The following CSMD3 variants were observed in gnomAD, a reference collection of about 807,000 sequenced individuals.
The protein encoded by CSMD3 is CUB and Sushi multiple domains 3, also known as CUB and sushi domain-containing protein 3.
CSMD3 carries 177 observed loss-of-function variants against 435.2 expected under a neutral mutation model. That is an observed-to-expected ratio of 0.41 (90% CI 0.36 to 0.46). CSMD3 has a LOEUF of 0.46. Among genes scored for constraint, CSMD3 ranks in the 20% least tolerant of loss-of-function variants. CSMD3 has a pLI of 0.34. For synonymous variants in CSMD3, 1,656 were observed against 1,520.5 expected, an observed-to-expected ratio of 1.09 and a Z score of -2.07; for missense variants, 4,265 against 4,504.6, an observed-to-expected ratio of 0.95 and a Z score of 1.52.
intron 1 of CSMD3, 33 bp from the exon 2 acceptor site, chr8:113,314,826 T>G (rs1213253716): frequency 1.5e-6 from 2 of 1,312,500 alleles, no homozygotes; most frequent in Non-Finnish European, 2.2e-6. Flanking sequence ...GACATTAATA[T>G]TATATAAATC....
intron 32 of CSMD3, among the ~76,000 whole-genome samples, chr8:112,415,889 T>A (rs534467044): frequency 6.6e-6 from 1 of 152,338 alleles, no homozygotes; most frequent in East Asian, 1.9e-4. Context: ...GGAACTGGTG[T>A]ATTTGCCAAA....
At chr8:113,013,219 T>A (rs1187544843) in intron 6 of CSMD3, among the ~76,000 whole-genome samples, 1 of 152,066 alleles carries the variant, frequency 6.6e-6, no homozygotes, top group East Asian at 1.9e-4. Context: ...CAAGAAAAAG[T>A]GTTTTTCCCT....
rs888082781 is a variant in CSMD3 at position 112,328,781 on chromosome 8, C to T, written c.7165+6548G>A. Among the ~76,000 whole-genome samples the T allele has an allele frequency of 2.6e-5, 4 of 152,140 alleles. No homozygotes were observed. The East Asian group carries it at 5.8e-4, about 22-fold the overall frequency. ...TGTTTGACAGTTCCTCCTTTACACA[C>T]TCACTGTCTCTCCTGCCAACATTTA... is the stretch of plus-strand genomic sequence containing the variant. On this transcript the variant is annotated intron_variant, in intron 45 of 70. Coordinates refer to ENST00000297405, the MANE Select transcript of CSMD3 (RefSeq NM_198123.2).
chr8:112,298,458 G>A (rs1820558108), intron 53 of CSMD3, among the ~76,000 whole-genome samples: 1 of 152,040 alleles, frequency 6.6e-6, no homozygotes, highest in Admixed American at 6.6e-5. Flanking sequence ...AAAGCTTCTA[G>A]TAGAAAGTAA....
intron 1 of CSMD3, among the ~76,000 whole-genome samples, chr8:113,367,406 T>C (rs536415776): frequency 5.3e-5 from 8 of 152,168 alleles, no homozygotes; most frequent in African/African-American, 1.9e-4. Context: ...ATTTTAAGTA[T>C]TTATAAGTTA....
At chr8:112,569,859 C>T (rs985191402) in intron 24 of CSMD3, among the ~76,000 whole-genome samples, 10 of 152,162 alleles carry the variant, frequency 6.6e-5, no homozygotes, top group Non-Finnish European at 1.5e-4. Flanking sequence ...CTGTGAACCA[C>T]CAACCTGACC....
At chr8:112,979,244 A>G (rs2130952857) in intron 6 of CSMD3, among the ~76,000 whole-genome samples, 1 of 151,992 alleles carries the variant, frequency 6.6e-6, no homozygotes, top group East Asian at 1.9e-4. Context: ...TCATGCTTAC[A>G]GAAAGTATAA....
chr8:112,816,642 A>G (rs1428754811), intron 12 of CSMD3, among the ~76,000 whole-genome samples: 1 of 152,046 alleles, frequency 6.6e-6, no homozygotes, highest in Non-Finnish European at 1.5e-5. Flanking sequence ...AGTAGGGCCT[A>G]GATTTTAAAA....
At chr8:112,699,140 G>T (rs1034593944) in intron 13 of CSMD3, among the ~76,000 whole-genome samples, 1 of 152,088 alleles carries the variant, frequency 6.6e-6, no homozygotes, top group Non-Finnish European at 1.5e-5. Flanking sequence ...TCCATGCTGT[G>T]GAAGCTTTGT....
chr8:112,894,366 C>T (rs749929586), intron 10 of CSMD3, among the ~76,000 whole-genome samples: 5 of 151,296 alleles, frequency 3.3e-5, no homozygotes, highest in Non-Finnish European at 7.4e-5. Context: ...AGGGTGAGCA[C>T]TCTAAATTCC....
At chr8:112,416,548 A>T (rs568429671) in intron 32 of CSMD3, among the ~76,000 whole-genome samples, 1 of 152,330 alleles carries the variant, frequency 6.6e-6, no homozygotes, top group South Asian at 2.1e-4. Flanking sequence ...AACTTTTGGA[A>T]GTCACTTTTA....
At chr8:112,967,782 T>C (rs1463023627) in intron 7 of CSMD3, among the ~76,000 whole-genome samples, 1 of 151,496 alleles carries the variant, frequency 6.6e-6, no homozygotes, top group Non-Finnish European at 1.5e-5. Flanking sequence ...CAATACTGTA[T>C]ACCCAGCAAC....
intron 30 of CSMD3, among the ~76,000 whole-genome samples, chr8:112,498,762 T>C (rs1821635209): frequency 6.6e-6 from 1 of 152,146 alleles, no homozygotes; most frequent in Non-Finnish European, 1.5e-5. Context: ...AGGTCATATG[T>C]ATAAGCCTTT....
At chr8:112,539,127 T>G (rs1420229856) in intron 27 of CSMD3, 1 of 154,008 alleles carries the variant, frequency 6.5e-6, no homozygotes, top group Non-Finnish European at 1.5e-5. Context: ...AGAAACTGCC[T>G]GACTTTGAAG....
At chr8:112,566,630 A>C (rs537440964) in intron 24 of CSMD3, among the ~76,000 whole-genome samples, 1 of 152,234 alleles carries the variant, frequency 6.6e-6, no homozygotes, top group South Asian at 2.1e-4. Context: ...AAACATAGAC[A>C]AGCAAGCTGG....
At chr8:113,296,796 C>G (rs1157820934) in intron 2 of CSMD3, among the ~76,000 whole-genome samples, 4 of 152,134 alleles carry the variant, frequency 2.6e-5, no homozygotes, top group Non-Finnish European at 4.4e-5. Context: ...AGAAAACCAG[C>G]CAACATTGTC....
intron 10 of CSMD3, among the ~76,000 whole-genome samples, chr8:112,865,447 T>C (rs984864978): frequency 6.6e-6 from 1 of 152,086 alleles, no homozygotes; most frequent in African/African-American, 2.4e-5. Context: ...TTAAAATAAA[T>C]TGAAGGACTT....
chr8:113,267,015 A>C (rs1041755502), intron 3 of CSMD3, among the ~76,000 whole-genome samples: 15 of 151,660 alleles, frequency 9.9e-5, no homozygotes, highest in African/African-American at 3.6e-4. Flanking sequence ...CAACATCACT[A>C]ATAATCAGAG....
At chr8:112,559,274 T>A (rs896277486) in intron 24 of CSMD3, among the ~76,000 whole-genome samples, 1 of 151,908 alleles carries the variant, frequency 6.6e-6, no homozygotes. Flanking sequence ...AAGTTTGAGA[T>A]ATGGGAGATT....
Sources: allele counts gnomAD v4.1 joint callset (sites outside exome capture counted in the v4.1 genomes callset), GRCh38; gene constraint gnomAD v4.1.1; transcripts MANE v1.5; gene names NCBI Gene and HGNC (gene_info 2026-07-23, HGNC 2026-07-21).